RASGEF1A: variants seen among roughly 807,000 people sequenced by gnomAD.
RASGEF1A encodes ras-GEF domain-containing family member 1A.
A neutral mutation model predicts 56.4 loss-of-function variants in RASGEF1A; 18 were observed. The ratio of observed to expected loss-of-function variants is 0.32; its 90% confidence interval spans 0.22 to 0.47. The LOEUF (loss-of-function observed/expected upper bound fraction) is 0.47, where lower values mean the gene tolerates loss of function less well. Among genes scored for constraint, RASGEF1A ranks in the 20% least tolerant of loss-of-function variants. The probability of loss-of-function intolerance (pLI) is 1.00; values close to 1 mark genes in which losing one functional copy is unlikely to be tolerated. For synonymous variants in RASGEF1A, 245 were observed against 242.6 expected (o/e 1.01, Z -0.09); for missense variants, 422 against 627.1 (o/e 0.67, Z 3.49).
In RASGEF1A at chr10:43,200,255, T is replaced by A. The variant is rs768667173; in HGVS notation, c.683A>T (p.Asp228Val). 1.2e-6 allele frequency: 2 copies of A among 1,603,672 alleles called. No individual in the cohort carries two copies. Among genetic ancestry groups the A allele is most frequent in the Non-Finnish European group, 8.5e-7 (1 of 1,174,298 alleles). Reference protein sequence around the residue: ...LAQQLTHIELDRVSSIYPEDL... With the variant: ...LAQQLTHIELVRVSSIYPEDL... ...CTCAGGGTAAATGCTGCTGACCCTGTCCTGGGGTGGAAGATAGCAAAGGGA... is the reference window on the plus strand; with the variant it reads ...CTCAGGGTAAATGCTGCTGACCCTGACCTGGGGTGGAAGATAGCAAAGGGA... The change falls in exon 6 of 13, where the codon GAC becomes GTC. Residue 228 changes from aspartate (D) to valine (V), a missense_variant and splice_region_variant. By Grantham distance (152) the Asp-to-Val change is radical (BLOSUM62 -3). Around this residue, in one of 2 missense-constraint regions of RASGEF1A, gnomAD observed 273 missense variants for 339.9 expected, o/e 0.80. Coordinates refer to ENST00000395810, the MANE Select transcript of RASGEF1A (RefSeq NM_145313.4).
intron 1 of RASGEF1A, among the ~76,000 whole-genome samples, chr10:43,209,984 A>G (rs1840044057): frequency 6.6e-6 from 1 of 152,182 alleles, no homozygotes; most frequent in Non-Finnish European, 1.5e-5. Flanking sequence ...CTCAGTTCCA[A>G]GTGTGGCCGC....
chr10:43,261,837 T>TCACAGGGCTCACAGGGCTCA lies in RASGEF1A; in HGVS notation c.-7+5007_-7+5008insTGAGCCCTGTGAGCCCTGTG, dbSNP rs1836534015. On this transcript the variant is annotated intron_variant, in intron 1 of 12. Coordinates refer to ENST00000395810, the MANE Select transcript of RASGEF1A (RefSeq NM_145313.4). ...GAGAAGCAGGGCTCACAGGGCATGC[T>TCACAGGGCTCACAGGGCTCA]CAGAGCACCGGCCAGAAAAAGCTGG... Among the ~76,000 whole-genome samples the TCACAGGGCTCACAGGGCTCA allele has an allele frequency of 2.0e-5, 3 of 152,128 alleles. No homozygotes were observed. The South Asian group carries it at 6.2e-4, about 32-fold the overall frequency.
chr10:43,232,783 G>A (rs12765436), intron 1 of RASGEF1A, among the ~76,000 whole-genome samples: 31,824 of 152,036 alleles, frequency 0.21, 3,516 homozygotes, highest in Admixed American at 0.27. Context: ...CACCGTGCCC[G>A]GCCAAGGCCC....
chr10:43,215,402 T>C (rs1840122768), intron 1 of RASGEF1A, among the ~76,000 whole-genome samples: 1 of 152,192 alleles, frequency 6.6e-6, no homozygotes, highest in Admixed American at 6.5e-5. Flanking sequence ...AAATTACACA[T>C]CTCGCCTGTC....
chr10:43,210,329 C>T (rs970103067), intron 1 of RASGEF1A, among the ~76,000 whole-genome samples: 7 of 152,266 alleles, frequency 4.6e-5, no homozygotes, highest in African/African-American at 1.7e-4. Flanking sequence ...AAAAAATTAG[C>T]CAGGTGTGGT....
intron 1 of RASGEF1A, among the ~76,000 whole-genome samples, chr10:43,231,798 C>A (rs139226802): frequency 4.5e-4 from 69 of 152,380 alleles, no homozygotes; most frequent in African/African-American, 1.5e-3. Context: ...CTGCTTGCAT[C>A]CCTGCAGCTG....
intron 1 of RASGEF1A, among the ~76,000 whole-genome samples, chr10:43,212,362 C>T (rs190950050): frequency 6.6e-6 from 1 of 152,318 alleles, no homozygotes; most frequent in East Asian, 1.9e-4. Flanking sequence ...CCTTGCACCC[C>T]GCCCCATGGA....
intron 1 of RASGEF1A, among the ~76,000 whole-genome samples, chr10:43,225,055 T>C (rs2133205035): frequency 6.6e-6 from 1 of 151,924 alleles, no homozygotes; most frequent in South Asian, 2.1e-4. Context: ...TCTGCATATG[T>C]CTGTGTGTCT....
At chr10:43,245,148 C>T (rs1420659659) in intron 1 of RASGEF1A, among the ~76,000 whole-genome samples, 2 of 151,986 alleles carry the variant, frequency 1.3e-5, no homozygotes, top group Non-Finnish European at 2.9e-5. Context: ...ATAAAAAGCA[C>T]TATAAGGGAA....
chr10:43,238,021 G>T (rs550255159), intron 1 of RASGEF1A, among the ~76,000 whole-genome samples: 3 of 151,674 alleles, frequency 2.0e-5, no homozygotes, highest in Non-Finnish European at 4.4e-5. Context: ...AAGGCGGCCA[G>T]GCCTGACGCA....
chr10:43,201,915 C>T lies in RASGEF1A; in HGVS notation c.352G>A (p.Val118Met), dbSNP rs771491443. 1.1e-5 allele frequency: 17 copies of T among 1,610,338 alleles called. No homozygotes were observed. Among genetic ancestry groups the T allele is most frequent in the Middle Eastern group, 3.3e-4 (2 of 6,028 alleles). ...AKLKSFSAKI[V>M]QLLKEWTEAF... ...TCGGTCCACTCCTTCAGGAGCTGCA[C>T]GATCTTGGCTGAGAAAGACTTCAGC... is the stretch of plus-strand genomic sequence containing the variant. The change falls in exon 4 of 13, where the codon GTG (valine) becomes ATG (methionine). Residue 118 changes from valine (V) to methionine (M), a missense_variant. Around this residue, in one of 2 missense-constraint regions of RASGEF1A, gnomAD observed 273 missense variants for 339.9 expected, o/e 0.80. Coordinates refer to ENST00000395810, the MANE Select transcript of RASGEF1A (RefSeq NM_145313.4).
At position 43,198,984 on chromosome 10, in the gene RASGEF1A, C is replaced by T. The variant is rs1564527733; in HGVS notation, c.981G>A (p.Arg327=). ...TGACCTTGGACCAAGTTTTCTTCAG[C>T]CTTGCCACAGGACTGAGGTTCATGC... ...ISGMNLSPVA[R]LKKTWSKVKT... is the part of the protein sequence containing the mutation. The change falls in exon 9 of 13, where the codon AGG becomes AGA. Residue 327 remains arginine (R), a synonymous_variant. Transcript: ENST00000395810. 6.2e-7 allele frequency: 1 copy of T among 1,613,704 alleles called. No individual in the cohort carries two copies. The highest frequency in any genetic ancestry group is 8.5e-7 in the Non-Finnish European group (1 of 1,180,002).
At chr10:43,216,777 T>C (rs933234080) in intron 1 of RASGEF1A, among the ~76,000 whole-genome samples, 2 of 151,994 alleles carry the variant, frequency 1.3e-5, no homozygotes, top group African/African-American at 2.4e-5. Context: ...GGGGCACTGC[T>C]CCTGATGGGA....
chr10:43,214,637 G>T (rs1298020007), intron 1 of RASGEF1A, among the ~76,000 whole-genome samples: 2 of 152,198 alleles, frequency 1.3e-5, no homozygotes, highest in Non-Finnish European at 2.9e-5. Flanking sequence ...CAGGAACAGG[G>T]TCAGGCCTCC....
chr10:43,197,110 C>G lies in RASGEF1A; in HGVS notation c.1225-11G>C. The G allele has an allele frequency of 6.2e-7, 1 of 1,612,912 alleles. No homozygotes were observed. On this transcript the variant is annotated splice_polypyrimidine_tract_variant and intron_variant, in intron 10 of 12. Coordinates refer to ENST00000395810, the MANE Select transcript of RASGEF1A (RefSeq NM_145313.4). ...GATCTCCCAGAATTTCTGAAGGGAG[C>G]AAAACCAACTGATGTTCATCTGTCA...
chr10:43,203,597 C>G, intron 2 of RASGEF1A, 177 bp from the exon 3 acceptor site: 2 of 1,243,870 alleles, frequency 1.6e-6, no homozygotes, highest in East Asian at 3.2e-5. Context: ...TTACTGCTAC[C>G]CCGGCCCTGC....
At chr10:43,222,596 C>A (rs1315407043) in intron 1 of RASGEF1A, among the ~76,000 whole-genome samples, 4 of 152,238 alleles carry the variant, frequency 2.6e-5, no homozygotes, top group African/African-American at 9.6e-5. Flanking sequence ...AAGCTCCACG[C>A]CCCTTCTCAC....
chr10:43,259,927 G>A (rs943263224), intron 1 of RASGEF1A, among the ~76,000 whole-genome samples: 4 of 152,094 alleles, frequency 2.6e-5, no homozygotes, highest in South Asian at 2.1e-4. Context: ...GGGCGGGGAC[G>A]GCAGGAAGGC....
At chr10:43,202,648 G>GCCCCCCCCCCCCCCCCCCCCCC in intron 3 of RASGEF1A, 2 of 459,814 alleles carry the variant, frequency 4.3e-6, no homozygotes, top group South Asian at 1.6e-5. Context: ...CCCGCCCCCG[G>GCCCCCCCCCCCCCCCCCCCCCC]CCCCCGCACC....
Sources: allele counts gnomAD v4.1 joint callset (sites outside exome capture counted in the v4.1 genomes callset), GRCh38; gene constraint gnomAD v4.1.1; regional missense constraint gnomAD v4.1.1; transcripts MANE v1.5; gene names NCBI Gene and HGNC (gene_info 2026-07-23, HGNC 2026-07-21).